SOBP: variants seen among roughly 807,000 people sequenced by gnomAD.
SOBP encodes the protein sine oculis binding protein homolog.
SOBP carries 4 observed loss-of-function variants against 53.6 expected under a neutral mutation model. The ratio of observed to expected loss-of-function variants is 0.07; its 90% confidence interval spans 0.04 to 0.17. The LOEUF is 0.17. SOBP is among the 10% of genes least tolerant of loss of function. The pLI, the probability that SOBP is intolerant of heterozygous loss-of-function variation, is 1.00. For synonymous variants in SOBP, 584 were observed against 522.6 expected, an observed-to-expected ratio of 1.12 and a Z score of -1.60; for missense variants, 1,088 against 1,204.7, an observed-to-expected ratio of 0.90 and a Z score of 1.43.
At chr6:107,577,041 C>T (rs755527099) in intron 4 of SOBP, among the ~76,000 whole-genome samples, 1 of 152,178 alleles carries the variant, frequency 6.6e-6, no homozygotes, top group Non-Finnish European at 1.5e-5. Flanking sequence ...CTACCCTCAC[C>T]AGCATATGCC....
chr6:107,493,342 A>T (rs1782623144), intron 1 of SOBP, among the ~76,000 whole-genome samples: 1 of 152,180 alleles, frequency 6.6e-6, no homozygotes, highest in Non-Finnish European at 1.5e-5. Flanking sequence ...GAATGTATAC[A>T]GCTAGCGTGG....
chr6:107,585,141 G>A (rs1435648707), intron 4 of SOBP, among the ~76,000 whole-genome samples: 1 of 152,054 alleles, frequency 6.6e-6, no homozygotes, highest in African/African-American at 2.4e-5. Context: ...TTTATGGTAG[G>A]GTCTACTTAC....
At chr6:107,644,830 G>A (rs370843736) in intron 6 of SOBP, among the ~76,000 whole-genome samples, 1 of 152,086 alleles carries the variant, frequency 6.6e-6, no homozygotes, top group South Asian at 2.1e-4. Context: ...AATAAGTTTT[G>A]GTTTTATCCA....
intron 6 of SOBP, among the ~76,000 whole-genome samples, chr6:107,639,682 T>C (rs1771223119): frequency 6.6e-6 from 1 of 152,214 alleles, no homozygotes; most frequent in Non-Finnish European, 1.5e-5. Context: ...GGATAGCTGT[T>C]TGTATTTGTA....
rs143361945 is a variant in SOBP at position 107,594,810 on chromosome 6, G to A, written c.669+7635G>A. Among the ~76,000 whole-genome samples, 454 of 152,302 alleles carry A rather than the reference G, an allele frequency of 3.0e-3. 1 individual carries two copies. Among genetic ancestry groups the A allele is most frequent in the African/African-American group, 0.01 (436 of 41,562 alleles). Reference sequence around the variant, plus strand: ...AGTAGATATTGCTGTTTCCATTTTAGAAGTGGGGAAATTAAAATGCAGAGA... The same window carrying A: ...AGTAGATATTGCTGTTTCCATTTTAAAAGTGGGGAAATTAAAATGCAGAGA... On this transcript the variant is annotated intron_variant, in intron 5 of 6. Transcript: ENST00000317357.
intron 3 of SOBP, among the ~76,000 whole-genome samples, chr6:107,509,140 A>T (rs1783085952): frequency 6.6e-6 from 1 of 152,200 alleles, no homozygotes; most frequent in South Asian, 2.1e-4. Context: ...CATGCCTGTA[A>T]TCCCAGCACT....
intron 5 of SOBP, among the ~76,000 whole-genome samples, chr6:107,598,705 C>T (rs926288342): frequency 1.3e-5 from 2 of 152,102 alleles, no homozygotes; most frequent in Admixed American, 6.5e-5. Context: ...TTCTAGAAGG[C>T]GGTTAGAACA....
intron 3 of SOBP, among the ~76,000 whole-genome samples, chr6:107,515,461 A>T (rs1783289345): frequency 6.6e-6 from 1 of 152,196 alleles, no homozygotes; most frequent in Non-Finnish European, 1.5e-5. Flanking sequence ...AAAATTGAAA[A>T]CTTCTGTCTG....
intron 4 of SOBP, among the ~76,000 whole-genome samples, chr6:107,552,720 A>G (rs1358916403): frequency 6.6e-6 from 1 of 152,126 alleles, no homozygotes; most frequent in African/African-American, 2.4e-5. Flanking sequence ...TTGATGGGAG[A>G]ACATCTTGGC....
intron 1 of SOBP, among the ~76,000 whole-genome samples, chr6:107,502,178 A>G (rs1782858474): frequency 1.3e-5 from 2 of 152,200 alleles, no homozygotes; most frequent in African/African-American, 2.4e-5. Flanking sequence ...GTGAAATTCA[A>G]GAAAACACGG....
intron 6 of SOBP, among the ~76,000 whole-genome samples, chr6:107,637,949 T>A (rs1211833508): frequency 2.6e-5 from 4 of 152,224 alleles, no homozygotes; most frequent in Non-Finnish European, 5.9e-5. Context: ...CCTCTTGAGA[T>A]TGAAGAGTTC....
chr6:107,624,588 A>G (rs565622569), intron 5 of SOBP, among the ~76,000 whole-genome samples: 2 of 152,358 alleles, frequency 1.3e-5, no homozygotes, highest in East Asian at 1.9e-4. Context: ...CTGGTTGACA[A>G]CAAAATAGAC....
At chr6:107,625,287 A>T (rs961979672) in intron 5 of SOBP, among the ~76,000 whole-genome samples, 5 of 152,230 alleles carry the variant, frequency 3.3e-5, no homozygotes, top group Non-Finnish European at 5.9e-5. Context: ...GATGGATACC[A>T]GGGGCTGAGT....
chr6:107,532,240 C>G (rs1783844641), intron 3 of SOBP, among the ~76,000 whole-genome samples: 2 of 73,788 alleles, frequency 2.7e-5, no homozygotes, highest in Admixed American at 2.4e-4. Context: ...CTCTCTCTCT[C>G]TCACACACAC....
At position 107,547,395 on chromosome 6, in the gene SOBP, C is replaced by T. The variant is rs193178801; in HGVS notation, c.573+13785C>T. 1.1e-3 allele frequency among the ~76,000 whole-genome samples: 172 copies of T among 152,248 alleles called. 1 individual carries two copies. The highest frequency in any genetic ancestry group is 3.7e-3 in the African/African-American group (153 of 41,536). On this transcript the variant is annotated intron_variant, in intron 4 of 6. Transcript: ENST00000317357. Reference sequence around the variant, plus strand: ...CAATTTTTAAAAGCAGACAAAAGTACGTCAAACAATATGCTGATAATCAAG... The same window carrying T: ...CAATTTTTAAAAGCAGACAAAAGTATGTCAAACAATATGCTGATAATCAAG...
chr6:107,532,239 T>TCACA (rs1048410823), intron 3 of SOBP, among the ~76,000 whole-genome samples: 6 of 66,928 alleles, frequency 9.0e-5, no homozygotes, highest in East Asian at 4.5e-4. Flanking sequence ...TCTCTCTCTC[T>TCACA]CTCACACACA....
intron 5 of SOBP, among the ~76,000 whole-genome samples, chr6:107,591,630 A>G (rs866131078): frequency 1.3e-5 from 2 of 152,104 alleles, no homozygotes; most frequent in South Asian, 2.1e-4. Context: ...AGTGTAGAGT[A>G]CCTGAAGGCT....
intron 4 of SOBP, among the ~76,000 whole-genome samples, chr6:107,547,736 A>T (rs1453336834): frequency 6.6e-6 from 1 of 152,224 alleles, no homozygotes; most frequent in East Asian, 1.9e-4. Flanking sequence ...ATGGTTTAAT[A>T]CATAGTACAT....
chr6:107,646,615 T>C (rs1771572936), intron 6 of SOBP, among the ~76,000 whole-genome samples: 1 of 152,240 alleles, frequency 6.6e-6, no homozygotes, highest in Non-Finnish European at 1.5e-5. Context: ...CTATATTCCT[T>C]AGACATCTCC....
Sources: gnomAD v4.1 joint callset for allele counts (sites outside exome capture counted in the v4.1 genomes callset) on GRCh38, gnomAD v4.1.1 for gene constraint, MANE v1.5 for transcripts, NCBI Gene and HGNC (gene_info 2026-07-23, HGNC 2026-07-21) for gene names.